RNGTT: variants seen among roughly 807,000 people sequenced by gnomAD.
The protein encoded by RNGTT is mRNA-capping enzyme.
A neutral mutation model predicts 79.3 loss-of-function variants in RNGTT; 33 were observed. The observed-to-expected ratio is 0.42, with a 90% confidence interval of 0.32 to 0.56. The LOEUF (loss-of-function observed/expected upper bound fraction) is 0.56, where lower values mean the gene tolerates loss of function less well. Ranked by LOEUF, RNGTT falls within the 20% of genes least tolerant of loss-of-function variation. The pLI, the probability that RNGTT is intolerant of heterozygous loss-of-function variation, is 0.17. For missense variants in RNGTT, 497 were observed against 739.1 expected, an observed-to-expected ratio of 0.67 and a Z score of 3.80; for synonymous variants, 222 against 235.9, an observed-to-expected ratio of 0.94 and a Z score of 0.54.
intron 11 of RNGTT, among the ~76,000 whole-genome samples, chr6:88,843,548 C>CTTCTTTTTTTT (rs1437292319): frequency 3.2e-4 from 21 of 66,658 alleles, no homozygotes; most frequent in African/African-American, 1.4e-3. Context: ...TAGTATGATT[C>CTTCTTTTTTTT]TTTTTTTTTT....
chr6:88,906,186 T>TACAC (rs1248040967), intron 5 of RNGTT, among the ~76,000 whole-genome samples, 179 bp downstream of exon 5: 1 of 151,638 alleles, frequency 6.6e-6, no homozygotes, highest in Non-Finnish European at 1.5e-5. Flanking sequence ...CATACACACA[T>TACAC]ACACACACAC....
chr6:88,926,763 C>G (rs1333943985), intron 4 of RNGTT, among the ~76,000 whole-genome samples: 1 of 152,112 alleles, frequency 6.6e-6, no homozygotes, highest in Non-Finnish European at 1.5e-5. Flanking sequence ...AAGGGCATAA[C>G]AATACTATCT....
intron 12 of RNGTT, among the ~76,000 whole-genome samples, chr6:88,779,869 TG>T (rs1486117540): frequency 1.3e-5 from 2 of 152,240 alleles, no homozygotes; most frequent in Non-Finnish European, 2.9e-5. Context: ...GGTGCATGTT[TG>T]TAGTCCCAGC....
At chr6:88,809,821 G>A (rs1780076991) in intron 11 of RNGTT, among the ~76,000 whole-genome samples, 1 of 152,124 alleles carries the variant, frequency 6.6e-6, no homozygotes, top group Non-Finnish European at 1.5e-5. Context: ...GGCTGAGGTG[G>A]GAGGATCACT....
At chr6:88,739,813 GTTTAAT>G (rs1291086009) in intron 13 of RNGTT, among the ~76,000 whole-genome samples, 1 of 117,174 alleles carries the variant, frequency 8.5e-6, no homozygotes, top group Non-Finnish European at 1.8e-5. Flanking sequence ...AACTAACATT[GTTTAAT>G]TTTATTATAC....
intron 8 of RNGTT, among the ~76,000 whole-genome samples, chr6:88,879,678 C>G (rs937496690): frequency 6.6e-6 from 1 of 152,080 alleles, no homozygotes; most frequent in Non-Finnish European, 1.5e-5. Flanking sequence ...CATGAACTTA[C>G]AATTAATGGG....
At chr6:88,661,077 A>T (rs1166011729) in intron 14 of RNGTT, among the ~76,000 whole-genome samples, 1 of 152,248 alleles carries the variant, frequency 6.6e-6, no homozygotes, top group African/African-American at 2.4e-5. Flanking sequence ...CTTTGGGTCA[A>T]CAATGAAATC....
chr6:88,961,364 T>C (rs1252841543), intron 1 of RNGTT, among the ~76,000 whole-genome samples: 1 of 152,170 alleles, frequency 6.6e-6, no homozygotes, highest in African/African-American at 2.4e-5. Context: ...TATATATATA[T>C]ATGTACATAT....
intron 4 of RNGTT, among the ~76,000 whole-genome samples, chr6:88,926,539 GTTTAT>G (rs1784325456): frequency 6.6e-6 from 1 of 152,094 alleles, no homozygotes; most frequent in Non-Finnish European, 1.5e-5. Flanking sequence ...ATTTCTTCAT[GTTTAT>G]TTTAATATTT....
chr6:88,714,823 A>G (rs1010150802), intron 13 of RNGTT, among the ~76,000 whole-genome samples: 2 of 152,338 alleles, frequency 1.3e-5, no homozygotes, highest in East Asian at 1.9e-4. Context: ...TCTCAAAACA[A>G]TAAGAGCTAT....
chr6:88,644,788 G>C (rs775351496), intron 14 of RNGTT, among the ~76,000 whole-genome samples: 2 of 152,160 alleles, frequency 1.3e-5, no homozygotes, highest in Middle Eastern at 3.2e-3. Flanking sequence ...AAAGGCCTTT[G>C]ACAAAATTCA....
intron 13 of RNGTT, among the ~76,000 whole-genome samples, chr6:88,679,381 T>C (rs576528730): frequency 1.3e-5 from 2 of 152,228 alleles, no homozygotes; most frequent in South Asian, 4.2e-4. Context: ...AGATTTGAGA[T>C]AAAGAGGGCA....
chr6:88,633,621 C>A (rs908679570), intron 14 of RNGTT, among the ~76,000 whole-genome samples: 13 of 152,076 alleles, frequency 8.5e-5, no homozygotes, highest in Non-Finnish European at 1.6e-4. Context: ...AAGTGCTCAA[C>A]TAAAATGTTT....
intron 8 of RNGTT, among the ~76,000 whole-genome samples, chr6:88,872,092 G>A (rs992766103): frequency 6.6e-6 from 1 of 152,086 alleles, no homozygotes; most frequent in African/African-American, 2.4e-5. Context: ...GTCCCATTAA[G>A]TTAGGAATAC....
At chr6:88,785,391 GTAAA>G (rs1779195979) in intron 12 of RNGTT, among the ~76,000 whole-genome samples, 1 of 151,744 alleles carries the variant, frequency 6.6e-6, no homozygotes, top group Non-Finnish European at 1.5e-5. Flanking sequence ...TCAAAAAAAA[GTAAA>G]TATTTATTTT....
chr6:88,623,869 G>A (rs1219053089), intron 14 of RNGTT, among the ~76,000 whole-genome samples: 2 of 151,978 alleles, frequency 1.3e-5, no homozygotes, highest in Admixed American at 6.6e-5. Flanking sequence ...CAAGGCTGCA[G>A]AATCCAAAGA....
chr6:88,824,396 T>C (rs938759542), intron 11 of RNGTT, among the ~76,000 whole-genome samples: 2 of 152,234 alleles, frequency 1.3e-5, no homozygotes, highest in African/African-American at 4.8e-5. Flanking sequence ...TAGGGCAACT[T>C]TGTTATAACC....
At chr6:88,674,351 C>T (rs1247863290) in intron 14 of RNGTT, among the ~76,000 whole-genome samples, 1 of 152,006 alleles carries the variant, frequency 6.6e-6, no homozygotes, top group African/African-American at 2.4e-5. Flanking sequence ...AGTTTGAGAC[C>T]AGCCTGGACA....
chr6:88,740,020 T>C (rs1287863042), intron 13 of RNGTT, among the ~76,000 whole-genome samples: 1 of 151,928 alleles, frequency 6.6e-6, no homozygotes. Flanking sequence ...ACCAAAGATA[T>C]CATCCTACTC....
Sources: allele counts gnomAD v4.1 joint callset (sites outside exome capture counted in the v4.1 genomes callset), GRCh38; gene constraint gnomAD v4.1.1; transcripts MANE v1.5; gene names NCBI Gene and HGNC (gene_info 2026-07-23, HGNC 2026-07-21).